The following NFIA variants were observed in gnomAD, a reference collection of about 807,000 sequenced individuals.
The protein encoded by NFIA is nuclear factor I A, also known as nuclear factor 1 A-type.
NFIA carries 8 observed loss-of-function variants against 62.8 expected under a neutral mutation model. That is an observed-to-expected ratio of 0.13 (90% CI 0.07 to 0.23). The LOEUF (loss-of-function observed/expected upper bound fraction) is 0.23, where lower values mean the gene tolerates loss of function less well. Among genes scored for constraint, NFIA ranks in the 10% least tolerant of loss-of-function variants. NFIA has a pLI of 1.00. For missense variants in NFIA, 410 were observed against 642.1 expected, an observed-to-expected ratio of 0.64 and a Z score of 3.91; for synonymous variants, 235 against 238.1, an observed-to-expected ratio of 0.99 and a Z score of 0.12.
At chr1:61,448,669 A>T (rs1667931943) in intron 10 of NFIA, among the ~76,000 whole-genome samples, 1 of 152,180 alleles carries the variant, frequency 6.6e-6, no homozygotes, top group Non-Finnish European at 1.5e-5. Flanking sequence ...TGTCATTCGG[A>T]CCCCAGAGTC....
At chr1:61,230,668 T>C (rs1654619514) in intron 2 of NFIA, among the ~76,000 whole-genome samples, 1 of 152,184 alleles carries the variant, frequency 6.6e-6, no homozygotes, top group Non-Finnish European at 1.5e-5. Flanking sequence ...TTAACATACC[T>C]TCATTGACTC....
chr1:61,153,021 T>C (rs334702), intron 2 of NFIA, among the ~76,000 whole-genome samples: 139,667 of 152,210 alleles, frequency 0.92, 64,236 homozygotes, highest in East Asian at 0.95. Context: ...AGTCTTCATC[T>C]AGTCATTAAA....
intron 3 of NFIA, among the ~76,000 whole-genome samples, chr1:61,321,256 C>T (rs2100368198): frequency 6.6e-6 from 1 of 151,870 alleles, no homozygotes; most frequent in Non-Finnish European, 1.5e-5. Context: ...AAAATAATCC[C>T]TAAAGATTAT....
At chr1:61,257,844 G>A (rs933622696) in intron 2 of NFIA, among the ~76,000 whole-genome samples, 14 of 150,796 alleles carry the variant, frequency 9.3e-5, no homozygotes, top group South Asian at 2.1e-4. Flanking sequence ...TGAGTAACTA[G>A]GACTACATGC....
chr1:61,130,051 C>G (rs1348425630), intron 2 of NFIA, among the ~76,000 whole-genome samples: 2 of 151,948 alleles, frequency 1.3e-5, no homozygotes, highest in Non-Finnish European at 2.9e-5. Context: ...TTCTTTTTTT[C>G]CAGATAGCTA....
chr1:61,330,375 C>T (rs1384937864), intron 3 of NFIA, among the ~76,000 whole-genome samples: 2 of 151,704 alleles, frequency 1.3e-5, no homozygotes, highest in Non-Finnish European at 2.9e-5. Context: ...TCACAAATAT[C>T]ACAGTCTAGA....
At chr1:61,371,437 A>G (rs1040736104) in intron 6 of NFIA, among the ~76,000 whole-genome samples, 5 of 152,134 alleles carry the variant, frequency 3.3e-5, no homozygotes, top group Non-Finnish European at 7.4e-5. Context: ...GTCTATCAGC[A>G]TTGAAACCTT....
rs1663249198 is a variant in NFIA at position 61,360,834 on chromosome 1, A to C, written c.946+1560A>C. ...TATCATAATTAAACACAAAACAAAAACACCTCAGGCCCATTGGCGGTGTCT... is the reference window on the plus strand; with the variant it reads ...TATCATAATTAAACACAAAACAAAACCACCTCAGGCCCATTGGCGGTGTCT... On this transcript the variant is annotated intron_variant, in intron 6 of 10. Coordinates refer to ENST00000403491, the MANE Select transcript of NFIA (RefSeq NM_001134673.4). Among the ~76,000 whole-genome samples the C allele has an allele frequency of 2.0e-5, 3 of 152,294 alleles. No individual in the cohort carries two copies. The South Asian group carries it at 6.2e-4, about 32-fold the overall frequency.
At chr1:61,287,129 G>A (rs1557683690) in intron 3 of NFIA, among the ~76,000 whole-genome samples, 1 of 152,186 alleles carries the variant, frequency 6.6e-6, no homozygotes. Context: ...TCTTGGTACA[G>A]TAGATATGTC....
At chr1:61,454,420 A>AT (rs987460464) in intron 10 of NFIA, among the ~76,000 whole-genome samples, 1 of 152,228 alleles carries the variant, frequency 6.6e-6, no homozygotes, top group Non-Finnish European at 1.5e-5. Context: ...CCACCTAAGG[A>AT]TTTACGAAAG....
intron 2 of NFIA, among the ~76,000 whole-genome samples, chr1:61,276,326 CAAGA>C (rs1657804508): frequency 6.6e-6 from 1 of 152,106 alleles, no homozygotes; most frequent in Non-Finnish European, 1.5e-5. Context: ...GCAGCATCTC[CAAGA>C]AAGAGAAGGG....
chr1:61,102,529 C>A (rs1396607945), intron 2 of NFIA, among the ~76,000 whole-genome samples: 2 of 151,996 alleles, frequency 1.3e-5, no homozygotes, highest in African/African-American at 4.8e-5. Context: ...TTTTGGTAAT[C>A]TTGAATAGCA....
intron 2 of NFIA, among the ~76,000 whole-genome samples, chr1:61,186,138 C>T (rs943446808): frequency 2.6e-5 from 4 of 152,036 alleles, no homozygotes; most frequent in African/African-American, 9.7e-5. Flanking sequence ...CATTGTTAAA[C>T]GAATGTTTTC....
intron 2 of NFIA, among the ~76,000 whole-genome samples, chr1:61,216,090 A>G (rs1216041597): frequency 1.3e-5 from 2 of 152,236 alleles, no homozygotes; most frequent in Non-Finnish European, 2.9e-5. Context: ...GTTGTAAACC[A>G]TGTTGTAGTG....
intron 2 of NFIA, among the ~76,000 whole-genome samples, chr1:61,259,995 C>G (rs920587072): frequency 6.6e-6 from 1 of 152,098 alleles, no homozygotes; most frequent in African/African-American, 2.4e-5. Context: ...AATAGCTCAT[C>G]TTGTGTTGCA....
chr1:61,281,304 G>A (rs1400726735), intron 3 of NFIA, among the ~76,000 whole-genome samples: 3 of 151,916 alleles, frequency 2.0e-5, no homozygotes, highest in East Asian at 1.9e-4. Flanking sequence ...GGTAAACTGA[G>A]AATATGCATA....
chr1:61,366,893 A>G (rs1235173696), intron 6 of NFIA, among the ~76,000 whole-genome samples: 2 of 152,228 alleles, frequency 1.3e-5, no homozygotes, highest in Non-Finnish European at 2.9e-5. Flanking sequence ...ATTGCACTCC[A>G]GTCTGGGCGA....
intron 2 of NFIA, among the ~76,000 whole-genome samples, chr1:61,203,582 T>C (rs1465218210): frequency 6.6e-6 from 1 of 152,140 alleles, no homozygotes; most frequent in Non-Finnish European, 1.5e-5. Flanking sequence ...ATCTCTTCTT[T>C]TGTCCAGCCT....
chr1:61,425,703 T>C (rs1281730151), intron 9 of NFIA, among the ~76,000 whole-genome samples: 1 of 152,084 alleles, frequency 6.6e-6, no homozygotes. Flanking sequence ...AGCTCTTAAG[T>C]ACAGATACAA....
Sources: gnomAD v4.1 joint callset for allele counts (sites outside exome capture counted in the v4.1 genomes callset) on GRCh38, gnomAD v4.1.1 for gene constraint, MANE v1.5 for transcripts, NCBI Gene and HGNC (gene_info 2026-07-23, HGNC 2026-07-21) for gene names.